Variants in KIAA1217 observed in about 807,000 individuals in gnomAD.
KIAA1217 encodes sickle tail protein homolog.
Under a neutral mutation model 163.9 loss-of-function variants are expected in KIAA1217, and 88 were observed. The observed-to-expected ratio is 0.54, with a 90% confidence interval of 0.45 to 0.64. KIAA1217 has a LOEUF of 0.64. KIAA1217 is among the 30% of genes least tolerant of loss of function. KIAA1217 has a pLI of 0.00. For missense variants in KIAA1217, 2,372 were observed against 2,475.0 expected (o/e 0.96, Z 0.88); for synonymous variants, 903 against 923.1 (o/e 0.98, Z 0.39).
At chr10:24,478,937 A>G in intron 6 of KIAA1217, among the ~76,000 whole-genome samples, 1 of 152,146 alleles carries the variant, frequency 6.6e-6, no homozygotes, top group East Asian at 1.9e-4. Flanking sequence ...TATGTAACAG[A>G]TTCCTCCAAA....
At chr10:23,958,065 A>G (rs1844648327) in intron 1 of KIAA1217, among the ~76,000 whole-genome samples, 1 of 152,196 alleles carries the variant, frequency 6.6e-6, no homozygotes, top group South Asian at 2.1e-4. Flanking sequence ...ATACTTTGGG[A>G]GTATACTTAA....
intron 3 of KIAA1217, among the ~76,000 whole-genome samples, chr10:24,410,540 A>C (rs1380565718): frequency 6.6e-6 from 1 of 152,216 alleles, no homozygotes; most frequent in Non-Finnish European, 1.5e-5. Flanking sequence ...ACCCATTTAC[A>C]ATAACATTTA....
intron 2 of KIAA1217, among the ~76,000 whole-genome samples, chr10:24,038,758 T>C (rs894430116): frequency 2.7e-5 from 4 of 147,400 alleles, no homozygotes; most frequent in Admixed American, 2.0e-4. Flanking sequence ...TTTTTTTTTT[T>C]TTTTTTTTTT....
At chr10:23,781,546 T>C (rs1835259306) in intron 1 of KIAA1217, among the ~76,000 whole-genome samples, 1 of 152,192 alleles carries the variant, frequency 6.6e-6, no homozygotes, top group Non-Finnish European at 1.5e-5. Flanking sequence ...ACGTTTTGAA[T>C]TTGTTGATTG....
intron 2 of KIAA1217, among the ~76,000 whole-genome samples, chr10:24,151,579 G>A (rs569548448): frequency 2.6e-5 from 4 of 151,230 alleles, no homozygotes; most frequent in Non-Finnish European, 5.9e-5. Flanking sequence ...CAGAGTTGAT[G>A]CGTAAGAATT....
intron 2 of KIAA1217, among the ~76,000 whole-genome samples, chr10:24,269,637 A>G (rs1166751067): frequency 6.6e-6 from 1 of 152,204 alleles, no homozygotes; most frequent in Non-Finnish European, 1.5e-5. Flanking sequence ...TGGGCTTACC[A>G]CACTGAAGGC....
chr10:24,211,585 GTATTGTATTT>G lies in KIAA1217; in HGVS notation c.70+2327_70+2336del, dbSNP rs757503275. On this transcript the variant is annotated intron_variant, in intron 1 of 20. Coordinates refer to ENST00000376454, the MANE Select transcript of KIAA1217 (RefSeq NM_019590.5). ...GTATTGTATTGTATTGTATTGTATT[GTATTGTATTT>G]TATTTTATTTTAGAGAAGGGGTCTT... 1.5e-3 allele frequency among the ~76,000 whole-genome samples: 209 copies of G among 139,530 alleles called. 2 individuals carry two copies. The highest frequency in any genetic ancestry group is 7.1e-3 in the Middle Eastern group (2 of 282). 91.5% of individuals were successfully genotyped at this position (139,530 alleles called of 152,430 possible). A position where few individuals can be genotyped will look rare whatever the true frequency, so the allele number is the denominator to read the frequency against.
intron 2 of KIAA1217, among the ~76,000 whole-genome samples, chr10:24,171,824 G>GAATA (rs1238590220): frequency 6.6e-6 from 1 of 151,690 alleles, no homozygotes; most frequent in Non-Finnish European, 1.5e-5. Context: ...ATAAATAAAT[G>GAATA]AATAAATAAA....
intron 1 of KIAA1217, among the ~76,000 whole-genome samples, chr10:23,895,706 G>A (rs1045153362): frequency 3.3e-5 from 5 of 151,828 alleles, no homozygotes; most frequent in East Asian, 1.9e-4. Context: ...TGTTTATTGC[G>A]GCACTGTTCA....
intron 1 of KIAA1217, among the ~76,000 whole-genome samples, chr10:23,773,851 G>T (rs1834899850): frequency 6.6e-6 from 1 of 152,096 alleles, no homozygotes; most frequent in African/African-American, 2.4e-5. Flanking sequence ...AGCTTAAGGA[G>T]ATTTTGGGCT....
chr10:23,864,137 G>A (rs1840075660), intron 1 of KIAA1217, among the ~76,000 whole-genome samples: 1 of 151,336 alleles, frequency 6.6e-6, no homozygotes. Flanking sequence ...CAAAACAGAG[G>A]AATTACATAA....
intron 3 of KIAA1217, among the ~76,000 whole-genome samples, chr10:24,407,510 T>C (rs1013545752): frequency 3.9e-5 from 6 of 152,128 alleles, no homozygotes; most frequent in Admixed American, 6.5e-5. Context: ...CTGATTTTGT[T>C]GCCCAGGCTG....
intron 2 of KIAA1217, among the ~76,000 whole-genome samples, chr10:24,338,279 T>C (rs1320548272): frequency 6.6e-6 from 1 of 152,204 alleles, no homozygotes; most frequent in East Asian, 1.9e-4. Context: ...GTTGAACCCA[T>C]ACATATATCT....
At chr10:23,919,098 C>T (rs372917999) in intron 1 of KIAA1217, among the ~76,000 whole-genome samples, 5 of 152,276 alleles carry the variant, frequency 3.3e-5, no homozygotes, top group African/African-American at 7.2e-5. Context: ...CAACCTCCAG[C>T]CCCACATTCA....
chr10:24,141,741 C>T (rs1021856283), intron 2 of KIAA1217, among the ~76,000 whole-genome samples: 4 of 152,180 alleles, frequency 2.6e-5, no homozygotes, highest in Non-Finnish European at 5.9e-5. Flanking sequence ...ACATTGGAAT[C>T]ACAACCCGTA....
intron 1 of KIAA1217, among the ~76,000 whole-genome samples, chr10:23,741,680 G>C (rs758690363): frequency 5.3e-5 from 8 of 152,144 alleles, no homozygotes; most frequent in Non-Finnish European, 1.0e-4. Context: ...CCAGGATGGG[G>C]GTCAGTGGTA....
intron 1 of KIAA1217, among the ~76,000 whole-genome samples, chr10:23,975,618 C>T (rs150070575): frequency 1.3e-5 from 2 of 152,122 alleles, no homozygotes; most frequent in Non-Finnish European, 2.9e-5. Flanking sequence ...GAAGGGACTT[C>T]CCATGTCACA....
intron 3 of KIAA1217, among the ~76,000 whole-genome samples, chr10:24,381,422 A>G (rs906454017): frequency 6.6e-6 from 1 of 152,216 alleles, no homozygotes; most frequent in African/African-American, 2.4e-5. Flanking sequence ...CAGACCACAC[A>G]GCAAGAGGTG....
At chr10:24,134,477 G>A (rs1719186360) in intron 2 of KIAA1217, among the ~76,000 whole-genome samples, 1 of 152,118 alleles carries the variant, frequency 6.6e-6, no homozygotes, top group African/African-American at 2.4e-5. Flanking sequence ...TAGGTAATAA[G>A]GGCAAAAGGA....
Sources: gnomAD v4.1 joint callset for allele counts (sites outside exome capture counted in the v4.1 genomes callset) on GRCh38, gnomAD v4.1.1 for gene constraint, MANE v1.5 for transcripts, NCBI Gene and HGNC (gene_info 2026-07-23, HGNC 2026-07-21) for gene names.